TMED8: variants seen among roughly 807,000 people sequenced by gnomAD.
TMED8 encodes transmembrane p24 trafficking protein family member 8, also known as protein TMED8.
A neutral mutation model predicts 32.7 loss-of-function variants in TMED8; 15 were observed. The observed-to-expected ratio is 0.46, with a 90% CI of 0.31 to 0.71. The LOEUF (loss-of-function observed/expected upper bound fraction) is 0.71. Ranked by LOEUF, TMED8 falls within the 30% of genes least tolerant of loss-of-function variation. TMED8 has a pLI of 0.06. For synonymous variants in TMED8, 147 were observed against 161.4 expected, an observed-to-expected ratio of 0.91 and a Z score of 0.68; for missense variants, 390 against 423.9, an observed-to-expected ratio of 0.92 and a Z score of 0.70.
At chr14:77,343,064 G>A (rs533055383) in intron 5 of TMED8, 114 bp downstream of exon 5, 63 of 1,054,932 alleles carry the variant, frequency 6.0e-5, no homozygotes, top group Admixed American at 2.1e-4. Flanking sequence ...AGCTTGTAAT[G>A]CTGAGTTTCT....
At chr14:77,351,436 G>GTTTTTTTTTTT (rs1566687602) in intron 2 of TMED8, among the ~76,000 whole-genome samples, 5 of 117,960 alleles carry the variant, frequency 4.2e-5, no homozygotes, top group East Asian at 2.5e-4. Flanking sequence ...TTTTTTTTTG[G>GTTTTTTTTTTT]ATTTTTAGTA....
intron 1 of TMED8, among the ~76,000 whole-genome samples, chr14:77,369,184 G>A (rs1893623204): frequency 6.6e-6 from 1 of 152,102 alleles, no homozygotes; most frequent in African/African-American, 2.4e-5. Context: ...AACAATCTTT[G>A]TTGCAAAGCA....
chr14:77,348,498 C>G (rs1893102508), intron 2 of TMED8, among the ~76,000 whole-genome samples: 1 of 152,204 alleles, frequency 6.6e-6, no homozygotes, highest in Admixed American at 6.5e-5. Context: ...GCTGGGATTA[C>G]AGGCATGAGC....
At chr14:77,346,006 A>C (rs1566685245) in intron 3 of TMED8, among the ~76,000 whole-genome samples, 1 of 148,984 alleles carries the variant, frequency 6.7e-6, no homozygotes, top group Non-Finnish European at 1.5e-5. Flanking sequence ...TGGAATCTTT[A>C]TCATAAATAC....
intron 1 of TMED8, among the ~76,000 whole-genome samples, chr14:77,367,256 A>AC (rs1222339149): frequency 5.9e-5 from 9 of 151,542 alleles, no homozygotes; most frequent in East Asian, 1.9e-4. Flanking sequence ...AAAAAAAAAA[A>AC]AAAAAAAAAA....
intron 1 of TMED8, among the ~76,000 whole-genome samples, chr14:77,367,236 TGTCTA>T: frequency 8.3e-6 from 1 of 119,908 alleles, no homozygotes; most frequent in African/African-American, 3.4e-5. Flanking sequence ...AGCAAGACTC[TGTCTA>T]AAAAAAAAAA....
chr14:77,338,148 C>T lies in TMED8; in HGVS notation c.*3623G>A, dbSNP rs921765752. Reference sequence around the variant, plus strand: ...GAGATCTTAAGACTAACCAAACAGACCCTTTGTGGCAATAAAATACCAAAT... The same window carrying T: ...GAGATCTTAAGACTAACCAAACAGATCCTTTGTGGCAATAAAATACCAAAT... On this transcript the variant is annotated 3_prime_UTR_variant, in exon 6 of 6. Coordinates refer to ENST00000216468, the MANE Select transcript of TMED8 (RefSeq NM_213601.3). 1 of 152,106 alleles carries T rather than the reference C, an allele frequency of 6.6e-6. No individual in the cohort carries two copies. Among genetic ancestry groups the T allele is most frequent in the Non-Finnish European group, 1.5e-5 (1 of 68,022 alleles). 9.4% of individuals were successfully genotyped at this position (152,106 alleles called of 1,614,324 possible).
chr14:77,337,592 T>G lies in TMED8; in HGVS notation c.*4179A>C, dbSNP rs1272835919. 6.6e-6 allele frequency: 1 copy of G among 152,240 alleles called. No homozygotes were observed. The highest frequency in any genetic ancestry group is 1.5e-5 in the Non-Finnish European group (1 of 68,072). 9.4% of individuals were successfully genotyped at this position (152,240 alleles called of 1,614,324 possible). On this transcript the variant is annotated 3_prime_UTR_variant, in exon 6 of 6. Coordinates refer to ENST00000216468, the MANE Select transcript of TMED8 (RefSeq NM_213601.3). ...TTTTAGTAGCGACGGAGTTTCACTA[T>G]GTTGGCCAGGCTGGTCTCGAACTCC...
At chr14:77,363,069 T>C (rs1893473334) in intron 1 of TMED8, among the ~76,000 whole-genome samples, 1 of 152,164 alleles carries the variant, frequency 6.6e-6, no homozygotes, top group South Asian at 2.1e-4. Context: ...ATACATCAAC[T>C]AGACAGAAAA....
chr14:77,360,188 G>A (rs1282663576), intron 1 of TMED8, among the ~76,000 whole-genome samples: 1 of 151,986 alleles, frequency 6.6e-6, no homozygotes, highest in Non-Finnish European at 1.5e-5. Flanking sequence ...GTTGGCCATT[G>A]TATGTGGCAA....
Position 77,342,006 on chromosome 14 carries a change from CAA to C in TMED8, c.761-20_761-19del. ...AACGGGTTCTGCGTGAGCAAAATGGCAAAGTGTTCAGAGACTGCGTAAGTCCT... is the reference window on the plus strand; with the variant it reads ...AACGGGTTCTGCGTGAGCAAAATGGCAGTGTTCAGAGACTGCGTAAGTCCT... On this transcript the variant is annotated intron_variant, in intron 5 of 5. Transcript: ENST00000216468. 5 of 1,612,158 alleles carry C rather than the reference CAA, an allele frequency of 3.1e-6. No individual in the cohort carries two copies. The highest frequency in any genetic ancestry group is 3.4e-6 in the Non-Finnish European group (4 of 1,178,922).
rs949116994 is a variant in TMED8, at chr14:77,377,062, C to G, written c.-9G>C. The G allele has an allele frequency of 2.7e-5, 37 of 1,350,278 alleles. No homozygotes were observed. Among genetic ancestry groups the G allele is most frequent in the Non-Finnish European group, 3.3e-5 (35 of 1,053,522 alleles). The allele number at this position is 1,350,278 out of a possible 1,614,324, so 83.6% of individuals were successfully genotyped here. On this transcript the variant is annotated 5_prime_UTR_variant, in exon 1 of 6. Coordinates refer to ENST00000216468, the MANE Select transcript of TMED8 (RefSeq NM_213601.3). ...GCCTGCAGGTCAGACATCTGCAGCC[C>G]GCGCACGGAGCTCTCCGCTGCCAGC...
chr14:77,345,578 C>G (rs565925650), intron 3 of TMED8, among the ~76,000 whole-genome samples: 1 of 149,238 alleles, frequency 6.7e-6, no homozygotes, highest in Non-Finnish European at 1.5e-5. Context: ...GAGGATCACT[C>G]GAGCCCAGGA....
rs1202806351 is a variant in TMED8, at chr14:77,340,626, T to G, written c.*1145A>C. ...GCCTCAGGGGTGACACAGTAGGAAA[T>G]GCTGTCACCAGGGAAATGCAAGCTT... On this transcript the variant is annotated 3_prime_UTR_variant, in exon 6 of 6. Transcript: ENST00000216468. The G allele has an allele frequency of 3.9e-5, 6 of 152,166 alleles. No individual in the cohort carries two copies. The allele number at this position is 152,166 out of a possible 1,614,324, so 9.4% of individuals were successfully genotyped here.
intron 1 of TMED8, among the ~76,000 whole-genome samples, chr14:77,366,155 A>C (rs2139632010): frequency 6.6e-6 from 1 of 152,350 alleles, no homozygotes; most frequent in Admixed American, 6.5e-5. Flanking sequence ...AGTCCCCGAC[A>C]TCCCTCAAAG....
intron 1 of TMED8, among the ~76,000 whole-genome samples, chr14:77,353,097 T>C (rs919717141): frequency 6.6e-5 from 10 of 152,208 alleles, no homozygotes; most frequent in African/African-American, 2.4e-4. Context: ...ACTTAAGGCA[T>C]AGAGACAGGA....
At chr14:77,359,692 C>A in intron 1 of TMED8, 1 of 286,692 alleles carries the variant, frequency 3.5e-6, no homozygotes, top group African/African-American at 2.3e-5. Flanking sequence ...GGAGGCAAAC[C>A]ATGGTTGTTA....
intron 1 of TMED8, among the ~76,000 whole-genome samples, chr14:77,363,383 CAA>C (rs1175255782): frequency 6.6e-6 from 1 of 152,042 alleles, no homozygotes; most frequent in Non-Finnish European, 1.5e-5. Context: ...GAGAAGAAAT[CAA>C]AAGAGAAACG....
Position 77,343,369 on chromosome 14 carries a change from A to C in TMED8, c.569T>G (p.Val190Gly). ...NSRLVVKRGE[V>G]VTIRVPTHPE... ...ATGAGTAGGTACCCGGATGGTCACC[A>C]CCTCACCACGCTTCACCACCAGACG... The change falls in exon 5 of 6, where the codon GTG (valine) becomes GGG (glycine). Residue 190 changes from valine (V) to glycine (G), a missense_variant. Transcript: ENST00000216468. 1 of 1,614,090 alleles carries C rather than the reference A, an allele frequency of 6.2e-7. No individual in the cohort carries two copies. The highest frequency in any genetic ancestry group is 8.5e-7 in the Non-Finnish European group (1 of 1,180,006).
Sources: gnomAD v4.1 joint callset for allele counts (sites outside exome capture counted in the v4.1 genomes callset) on GRCh38, gnomAD v4.1.1 for gene constraint, MANE v1.5 for transcripts, NCBI Gene and HGNC (gene_info 2026-07-23, HGNC 2026-07-21) for gene names.